Variants in DNAJC6 observed in about 807,000 individuals in gnomAD.
DNAJC6 encodes DnaJ heat shock protein family (Hsp40) member C6, also known as auxilin.
In DNAJC6, 34 loss-of-function variants were observed where a neutral mutation model predicts 110.0. The observed-to-expected ratio is 0.31, with a 90% CI of 0.24 to 0.41. The LOEUF is 0.41. Among genes scored for constraint, DNAJC6 ranks in the 10% least tolerant of loss-of-function variants. The pLI, the probability that DNAJC6 is intolerant of heterozygous loss-of-function variation, is 1.00. For synonymous variants in DNAJC6, 406 were observed against 437.2 expected (o/e 0.93, Z 0.89); for missense variants, 1,031 against 1,207.8 (o/e 0.85, Z 2.17).
intron 1 of DNAJC6, among the ~76,000 whole-genome samples, chr1:65,296,524 C>G (rs1438887272): frequency 6.6e-6 from 1 of 150,442 alleles, no homozygotes; most frequent in Non-Finnish European, 1.5e-5. Flanking sequence ...CGTAGAACAT[C>G]TTTTCATAGG....
rs1199919797 is a variant in DNAJC6, at chr1:65,398,886, AAGC to A, written c.2107+8_2107+10del. 6 of 1,613,812 alleles carry A rather than the reference AAGC, an allele frequency of 3.7e-6. No individual in the cohort carries two copies. The highest frequency in any genetic ancestry group is 4.2e-6 in the Non-Finnish European group (5 of 1,179,896). On this transcript the variant is annotated splice_donor_region_variant and intron_variant, in intron 14 of 18. Coordinates refer to ENST00000371069, the MANE Select transcript of DNAJC6 (RefSeq NM_001256864.2). Reference sequence around the variant, plus strand: ...GGGACTGGCATGCTAAACCAGGTAAAAGCAGGTTATTTTCTGTACACATTTATA... The same window carrying A: ...GGGACTGGCATGCTAAACCAGGTAAAAGGTTATTTTCTGTACACATTTATA...
chr1:65,264,992 G>C, intron 1 of DNAJC6: 4 of 1,510,914 alleles, frequency 2.6e-6, no homozygotes, highest in Non-Finnish European at 3.7e-6. Flanking sequence ...AGATGCTAGG[G>C]ATGCGATGTC....
intron 1 of DNAJC6, among the ~76,000 whole-genome samples, chr1:65,317,928 C>A (rs1645162786): frequency 1.3e-5 from 2 of 152,116 alleles, no homozygotes; most frequent in Non-Finnish European, 2.9e-5. Flanking sequence ...AGAAAGAAAA[C>A]CCGTTTTGGG....
Position 65,384,342 on chromosome 1 carries a change from T to C in DNAJC6, c.800+16T>C, listed in dbSNP as rs764019972. On this transcript the variant is annotated intron_variant, in intron 6 of 18. Transcript: ENST00000371069. Reference sequence around the variant, plus strand: ...CCCATAGGAGGTAAAGTAAGCTAGATGCAGGCTAGGCACAGATGTAGTCTA... The same window carrying C: ...CCCATAGGAGGTAAAGTAAGCTAGACGCAGGCTAGGCACAGATGTAGTCTA... 12 of 1,533,074 alleles carry C rather than the reference T, an allele frequency of 7.8e-6. No homozygotes were observed. In the Admixed American group the frequency reaches 2.2e-4, roughly 28 times the overall value. 95.0% of individuals were successfully genotyped at this position (1,533,074 alleles called of 1,614,324 possible).
At chr1:65,308,242 A>G (rs1362194990), upstream of DNAJC6, among the ~76,000 whole-genome samples, 1 of 152,242 alleles carries the variant, frequency 6.6e-6, no homozygotes, top group Non-Finnish European at 1.5e-5. Flanking sequence ...AGAAGAAAGC[A>G]AAGCTGGCTT....
intron 1 of DNAJC6, among the ~76,000 whole-genome samples, chr1:65,338,334 T>C (rs1645357601): frequency 6.6e-6 from 1 of 152,134 alleles, no homozygotes; most frequent in Admixed American, 6.6e-5. Context: ...CAAAACAGGT[T>C]AAGGTAGTTT....
intron 1 of DNAJC6, among the ~76,000 whole-genome samples, chr1:65,265,438 A>C (rs1438615379): frequency 1.3e-5 from 2 of 152,218 alleles, no homozygotes; most frequent in Non-Finnish European, 2.9e-5. Context: ...GCTGACCTTC[A>C]GAACTGTTTA....
chr1:65,372,803 T>C (rs536343662), intron 4 of DNAJC6, among the ~76,000 whole-genome samples: 1 of 152,322 alleles, frequency 6.6e-6, no homozygotes, highest in South Asian at 2.1e-4. Flanking sequence ...CGTTTCTGTC[T>C]GTGAGTATTA....
At chr1:65,408,587 C>G in intron 16 of DNAJC6, 54 bp from the exon 17 acceptor site, 4 of 1,569,856 alleles carry the variant, frequency 2.5e-6, no homozygotes, top group Non-Finnish European at 2.6e-6. Context: ...GATAATGATA[C>G]AGCATTATGT....
In DNAJC6 at chr1:65,364,687, G is replaced by A. The variant is rs774073389; in HGVS notation, c.246G>A (p.Met82Ile). The A allele has an allele frequency of 2.5e-6, 4 of 1,611,978 alleles. No individual in the cohort carries two copies. The highest frequency in any genetic ancestry group is 3.4e-6 in the Non-Finnish European group (4 of 1,179,424). Residue 82 changes from methionine to isoleucine, a missense_variant, in exon 2 of 19, where the codon ATG (methionine) becomes ATA (isoleucine). Physicochemically the swap from Met to Ile is conservative, Grantham distance 10 (BLOSUM62 1). Transcript: ENST00000371069. Reference protein sequence around the residue: ...EPSYGGGLFDMVKGGAGRLFS... With the variant: ...EPSYGGGLFDIVKGGAGRLFS... The stretch of plus-strand genomic sequence containing the variant: ...GCTATGGGGGAGGTCTCTTTGACAT[G>A]GTAAAAGGAGGTGCAGGGAGGCTCT...
chr1:65,309,749 A>T lies in DNAJC6; in HGVS notation c.4A>T (p.Ser2Cys). 6.5e-7 allele frequency: 1 copy of T among 1,544,880 alleles called. No individual in the cohort carries two copies. Among genetic ancestry groups the T allele is most frequent in the Non-Finnish European group, 8.7e-7 (1 of 1,144,694 alleles). M[S>C]LLGSYRKKTS... ...TCTCTTTTCTCCGGGCTTGCCCATG[A>T]GCCTCCTCGGGAGCTACCGGAAAAA... The change falls in exon 1 of 19, where the codon AGC becomes TGC. Residue 2 changes from serine (S) to cysteine (C), a missense_variant. By Grantham distance (112) the Ser-to-Cys change is moderately radical. Transcript: ENST00000371069.
chr1:65,396,629 C>T (rs913911695), intron 13 of DNAJC6, among the ~76,000 whole-genome samples: 2 of 152,136 alleles, frequency 1.3e-5, no homozygotes, highest in African/African-American at 2.4e-5. Flanking sequence ...AATTGCAACT[C>T]GTCTCCCTGC....
chr1:65,307,018 CTATATATA>C (rs71056097), upstream of DNAJC6, among the ~76,000 whole-genome samples: 76 of 70,710 alleles, frequency 1.1e-3, no homozygotes, highest in Non-Finnish European at 1.5e-3. Flanking sequence ...CTCTCTCTCT[CTATATATA>C]TATATATATA....
At position 65,366,067 on chromosome 1, in the gene DNAJC6, C is replaced by T; in HGVS notation, c.414C>T (p.Asp138=). The change falls in exon 4 of 19, where the codon GAC becomes GAT. Residue 138 remains aspartate (D), a synonymous_variant. Transcript: ENST00000371069. ...TCCTAGTGATGTCCTTTCCTCTGGACAATGTTGACATAGGATTCAGGAATC... is the reference window on the plus strand; with the variant it reads ...TCCTAGTGATGTCCTTTCCTCTGGATAATGTTGACATAGGATTCAGGAATC... The part of the protein sequence containing the change: ...SRIIVMSFPL[D]NVDIGFRNQV... 1 of 1,613,844 alleles carries T rather than the reference C, an allele frequency of 6.2e-7. No homozygotes were observed. Among genetic ancestry groups the T allele is most frequent in the Non-Finnish European group, 8.5e-7 (1 of 1,179,798 alleles).
In DNAJC6 at chr1:65,406,064, A is replaced by G. The variant is rs147882056; in HGVS notation, c.2422A>G (p.Asn808Asp). 9.3e-6 allele frequency: 15 copies of G among 1,614,180 alleles called. No homozygotes were observed. Among genetic ancestry groups the G allele is most frequent in the Non-Finnish European group, 1.3e-5 (15 of 1,180,048 alleles). The change falls in exon 16 of 19, where the codon AAC (asparagine) becomes GAC (aspartate). Residue 808 changes from asparagine to aspartate, a missense_variant. Asn to Asp is a conservative substitution (Grantham distance 23). Coordinates refer to ENST00000371069, the MANE Select transcript of DNAJC6 (RefSeq NM_001256864.2). ...CCACTCCTCTCCCCAGAACCGACCC[A>G]ACTACAACGTGAGCTTCTCAGCCAT... ...MPHSSPQNRP[N>D]YNVSFSAMPG...
chr1:65,402,297 G>A (rs888967921), intron 15 of DNAJC6, among the ~76,000 whole-genome samples: 3 of 152,182 alleles, frequency 2.0e-5, no homozygotes, highest in African/African-American at 4.8e-5. Flanking sequence ...TCTTCACACC[G>A]TTCCCCTTCT....
intron 11 of DNAJC6, among the ~76,000 whole-genome samples, chr1:65,390,778 C>T (rs1645918777): frequency 6.6e-6 from 1 of 152,228 alleles, no homozygotes. Flanking sequence ...GAAAGACTCA[C>T]TTTCAGAATT....
intron 4 of DNAJC6, among the ~76,000 whole-genome samples, chr1:65,377,824 T>C (rs566683477): frequency 6.6e-6 from 1 of 152,336 alleles, no homozygotes; most frequent in African/African-American, 2.4e-5. Context: ...CCCTTTCCCA[T>C]GGTCAAATAG....
At chr1:65,391,465 G>GA (rs1431161627) in intron 11 of DNAJC6, among the ~76,000 whole-genome samples, 3 of 152,130 alleles carry the variant, frequency 2.0e-5, no homozygotes, top group Non-Finnish European at 4.4e-5. Flanking sequence ...ATTTTGTGCT[G>GA]AAAGTACCCC....
Sources: gnomAD v4.1 joint callset for allele counts (sites outside exome capture counted in the v4.1 genomes callset) on GRCh38, gnomAD v4.1.1 for gene constraint, MANE v1.5 for transcripts, NCBI Gene and HGNC (gene_info 2026-07-23, HGNC 2026-07-21) for gene names.